PTK7: variants seen among roughly 807,000 people sequenced by gnomAD.
The protein encoded by PTK7 is inactive tyrosine-protein kinase 7.
Under a neutral mutation model 116.6 loss-of-function variants are expected in PTK7, and 39 were observed. The ratio of observed to expected loss-of-function variants is 0.33; its 90% CI spans 0.26 to 0.44. The LOEUF (loss-of-function observed/expected upper bound fraction) is 0.44. Ranked by LOEUF, PTK7 falls within the 20% of genes least tolerant of loss-of-function variation. The probability of loss-of-function intolerance (pLI) is 1.00; values close to 1 mark genes in which losing one functional copy is unlikely to be tolerated. For synonymous variants in PTK7, 546 were observed against 563.6 expected, an observed-to-expected ratio of 0.97 and a Z score of 0.44; for missense variants, 1,169 against 1,425.6, an observed-to-expected ratio of 0.82 and a Z score of 2.90.
chr6:43,089,772 A>G (rs1401117990), intron 1 of PTK7, among the ~76,000 whole-genome samples: 2 of 152,174 alleles, frequency 1.3e-5, no homozygotes, highest in Middle Eastern at 3.2e-3. Flanking sequence ...GGAGACCTGT[A>G]GGAAGGTCTC....
At chr6:43,116,651 T>TGTGTGTGTGCGCGC (rs1323606377) in intron 1 of PTK7, among the ~76,000 whole-genome samples, 1 of 77,214 alleles carries the variant, frequency 1.3e-5, no homozygotes, top group African/African-American at 6.5e-5. Context: ...TGTGTGTGTG[T>TGTGTGTGTGCGCGC]GCGCGCGCAC....
Position 43,141,359 on chromosome 6 carries a change from G to A in PTK7, c.1619-309G>A, listed in dbSNP as rs1770395020. Among the ~76,000 whole-genome samples, 1 of 152,128 alleles carries A rather than the reference G, an allele frequency of 6.6e-6. No homozygotes were observed. Among genetic ancestry groups the A allele is most frequent in the Non-Finnish European group, 1.5e-5 (1 of 68,032 alleles). ...TACAGCCTGGGATGGTAAAGAGCGG[G>A]AATGGGCTCTAGGAGGGAGAAGTGA... On this transcript the variant is annotated intron_variant, in intron 10 of 19. Transcript: ENST00000230419. This position sits in a 1 kb window ranked among gnomAD's most constrained non-coding sequence, Gnocchi z 4.9.
At chr6:43,077,826 T>C (rs1393548588) in intron 1 of PTK7, among the ~76,000 whole-genome samples, 1 of 152,220 alleles carries the variant, frequency 6.6e-6, no homozygotes, top group Non-Finnish European at 1.5e-5. Flanking sequence ...ACATCTCCCC[T>C]GCCCCCAGTT....
intron 17 of PTK7, among the ~76,000 whole-genome samples, chr6:43,157,364 ATTTTTT>A (rs1293389236): frequency 3.7e-5 from 2 of 54,366 alleles, no homozygotes; most frequent in Non-Finnish European, 6.5e-5. Context: ...ATATATATAT[ATTTTTT>A]TTTTTCTTTT....
chr6:43,133,446 A>ATG, intron 7 of PTK7: 1 of 152,176 alleles, frequency 6.6e-6, no homozygotes, highest in East Asian at 1.9e-4. Flanking sequence ...GGTGGGGCAC[A>ATG]CCTGTAATCC....
rs1027582673 is a variant in PTK7 at position 43,129,373 on chromosome 6, A to G, written c.367+109A>G. ...TCTCCCATTTCCAGTTAAACGGGCC[A>G]GGCAGAATGCATTTATCATCAGCTT... On this transcript the variant is annotated intron_variant, in intron 2 of 19. Transcript: ENST00000230419. This position sits in a 1 kb window ranked among gnomAD's most constrained non-coding sequence, Gnocchi z 4.5. 4 of 1,331,364 alleles carry G rather than the reference A, an allele frequency of 3.0e-6. No individual in the cohort carries two copies. In the African/African-American group the frequency reaches 4.4e-5, roughly 15 times the overall value. The allele number at this position is 1,331,364 out of a possible 1,614,324, so 82.5% of individuals were successfully genotyped here.
At chr6:43,144,805 G>A in intron 15 of PTK7, 199 bp downstream of exon 15, 1 of 533,876 alleles carries the variant, frequency 1.9e-6, no homozygotes, top group Non-Finnish European at 3.2e-6. Context: ...TCATTCCTGT[G>A]TACTACCTGT....
At chr6:43,115,036 T>G (rs1403752904) in intron 1 of PTK7, among the ~76,000 whole-genome samples, 1 of 131,276 alleles carries the variant, frequency 7.6e-6, no homozygotes, top group Non-Finnish European at 1.7e-5. Context: ...GAGCTAGACT[T>G]TGTCTCAAAA....
At position 43,146,671 on chromosome 6, in the gene PTK7, G is replaced by C; in HGVS notation, c.2694G>C (p.Lys898Asn). The C allele has an allele frequency of 1.2e-6, 2 of 1,613,404 alleles. No homozygotes were observed. Among genetic ancestry groups the C allele is most frequent in the Non-Finnish European group, 1.7e-6 (2 of 1,179,970 alleles). The change falls in exon 17 of 20, where the codon AAG becomes AAC. Residue 898 changes from lysine (K) to asparagine (N), a missense_variant. Physicochemically the swap from Lys to Asn is moderately conservative, Grantham distance 94. Coordinates refer to ENST00000230419, the MANE Select transcript of PTK7 (RefSeq NM_002821.5). ...RISKSKDEKL[K>N]SQPLSTKQKV... ...CCAAGAGCAAGGATGAAAAATTGAAGTCACAGCCCCTCAGCACCAAGCAGA... is the reference window on the plus strand; with the variant it reads ...CCAAGAGCAAGGATGAAAAATTGAACTCACAGCCCCTCAGCACCAAGCAGA...
intron 1 of PTK7, among the ~76,000 whole-genome samples, chr6:43,107,026 G>C (rs545655424): frequency 7.9e-5 from 12 of 151,880 alleles, no homozygotes; most frequent in Admixed American, 1.3e-4. Context: ...AGGTTAAAGC[G>C]ATTCTCCTGC....
In PTK7 at chr6:43,141,263, G is replaced by C. The variant is rs1256260582; in HGVS notation, c.1619-405G>C. ...GTGAGAGAGTACAGTTGTAGATTCT[G>C]AGGAGGAAGTAGGCTCCCTCTGCTC... On this transcript the variant is annotated intron_variant, in intron 10 of 19. Transcript: ENST00000230419. The surrounding 1 kb of genome is among the most constrained non-coding windows in gnomAD (Gnocchi z 4.9). Among the ~76,000 whole-genome samples the C allele has an allele frequency of 6.6e-6, 1 of 152,168 alleles. No individual in the cohort carries two copies. Among genetic ancestry groups the C allele is most frequent in the Non-Finnish European group, 1.5e-5 (1 of 68,034 alleles).
chr6:43,139,520 G>A lies in PTK7; in HGVS notation c.1613G>A (p.Arg538Gln), dbSNP rs1770259831. Reference sequence around the variant, plus strand: ...GAGAAGCCCACTATTAAGTGGGAACGGGCAGGTGGGTACAGTGCCGGCATA... The same window carrying A: ...GAGAAGCCCACTATTAAGTGGGAACAGGCAGGTGGGTACAGTGCCGGCATA... ...GREKPTIKWE[R>Q]ADGSSLPEWV... The change falls in exon 10 of 20, where the codon CGG becomes CAG. Residue 538 changes from arginine (R) to glutamine (Q), a missense_variant. By Grantham distance (43) the Arg-to-Gln change is conservative. This residue lies in a region of PTK7 where 678 missense variants were observed against 853.8 expected (regional missense o/e 0.79). Coordinates refer to ENST00000230419, the MANE Select transcript of PTK7 (RefSeq NM_002821.5). This position sits in a 1 kb window ranked among gnomAD's most constrained non-coding sequence, Gnocchi z 4.6. 8 of 1,614,028 alleles carry A rather than the reference G, an allele frequency of 5.0e-6. 1 individual carries two copies. Among genetic ancestry groups the A allele is most frequent in the Admixed American group, 3.3e-5 (2 of 60,000 alleles).
In PTK7 at chr6:43,129,037, G is replaced by T; in HGVS notation, c.140G>T (p.Arg47Leu). ...TCCTCCCAGGATGCACTGCAGGGGC[G>T]CCGGGCGCTGCTTCGCTGTGAGGTT... ...QPSSQDALQG[R>L]RALLRCEVEA... Residue 47 changes from arginine to leucine, a missense_variant, in exon 2 of 20, where the codon CGC becomes CTC. Arg to Leu is a moderately radical substitution (Grantham distance 102). Around this residue, in one of 3 missense-constraint regions of PTK7, gnomAD observed 487 missense variants for 549.8 expected, o/e 0.89. Coordinates refer to ENST00000230419, the MANE Select transcript of PTK7 (RefSeq NM_002821.5). The surrounding 1 kb of genome is among the most constrained non-coding windows in gnomAD (Gnocchi z 4.5). The T allele has an allele frequency of 6.2e-7, 1 of 1,614,120 alleles. No homozygotes were observed. Among genetic ancestry groups the T allele is most frequent in the Non-Finnish European group, 8.5e-7 (1 of 1,179,994 alleles).
At position 43,161,049 on chromosome 6, in the gene PTK7, C is replaced by G; in HGVS notation, c.*168C>G. The G allele has an allele frequency of 9.8e-7, 1 of 1,022,808 alleles. No homozygotes were observed. Among genetic ancestry groups the G allele is most frequent in the Non-Finnish European group, 1.4e-6 (1 of 728,682 alleles). The allele number at this position is 1,022,808 out of a possible 1,614,324, so 63.4% of individuals were successfully genotyped here. A position where few individuals can be genotyped will look rare whatever the true frequency, so the allele number is the denominator to read the frequency against. On this transcript the variant is annotated 3_prime_UTR_variant, in exon 20 of 20. Transcript: ENST00000230419. ...CCTGGCCTTTCCTCCTCTTCCTCAC[C>G]CTCATCCTTTGGGAGGCTGACTTGG...
chr6:43,080,276 CG>C (rs1766303860), intron 1 of PTK7, among the ~76,000 whole-genome samples: 1 of 151,736 alleles, frequency 6.6e-6, no homozygotes, highest in Admixed American at 6.6e-5. Context: ...GGCGTGAACC[CG>C]GGAGGCAGAG....
At position 43,129,510 on chromosome 6, in the gene PTK7, G is replaced by A. The variant is rs62417481; in HGVS notation, c.368-217G>A. 1 of 709,918 alleles carries A rather than the reference G, an allele frequency of 1.4e-6. No individual in the cohort carries two copies. The highest frequency in any genetic ancestry group is 1.9e-5 in the South Asian group (1 of 51,588). 44.0% of individuals were successfully genotyped at this position (709,918 alleles called of 1,614,324 possible). A position where few individuals can be genotyped will look rare whatever the true frequency, so the allele number is the denominator to read the frequency against. The stretch of plus-strand genomic sequence containing the variant: ...CATGCTTGTGCAAATGGAAAGGGCG[G>A]CCGAGCCCTTGGCCAAGTGTCAGAC... On this transcript the variant is annotated intron_variant, in intron 2 of 19. Coordinates refer to ENST00000230419, the MANE Select transcript of PTK7 (RefSeq NM_002821.5). This position sits in a 1 kb window ranked among gnomAD's most constrained non-coding sequence, Gnocchi z 4.5.
intron 1 of PTK7, among the ~76,000 whole-genome samples, chr6:43,092,904 CTG>C (rs1367192855): frequency 6.6e-6 from 1 of 152,206 alleles, no homozygotes; most frequent in Non-Finnish European, 1.5e-5. Context: ...ATGGTTATAA[CTG>C]TAATTTACAG....
In PTK7 at chr6:43,130,642, C is replaced by T. The variant is rs1015679962; in HGVS notation, c.793C>T (p.Pro265Ser). 13 of 1,614,190 alleles carry T rather than the reference C, an allele frequency of 8.1e-6. No individual in the cohort carries two copies. The highest frequency in any genetic ancestry group is 1.1e-5 in the Non-Finnish European group (13 of 1,180,026). ...GCAGTGGCTCTTTGAGGATGAGACT[C>T]CCATCACTAACCGCAGTCGGTAAGG... ...SLQWLFEDET[P>S]ITNRSRPPHL... Residue 265 changes from proline (P) to serine (S), a missense_variant, in exon 5 of 20, where the codon CCC becomes TCC. This residue lies in a region of PTK7 where 487 missense variants were observed against 549.8 expected (regional missense o/e 0.89). Transcript: ENST00000230419.
intron 17 of PTK7, 95 bp from the exon 18 acceptor site, chr6:43,158,722 C>T: frequency 2.2e-6 from 3 of 1,360,616 alleles, no homozygotes; most frequent in South Asian, 2.6e-5. Context: ...ACGCAGCACA[C>T]CAATAGTGTT....
Sources: allele counts gnomAD v4.1 joint callset (sites outside exome capture counted in the v4.1 genomes callset), GRCh38; gene constraint gnomAD v4.1.1; regional missense constraint gnomAD v4.1.1; non-coding constraint Gnocchi (gnomAD v3.1); transcripts MANE v1.5; gene names NCBI Gene and HGNC (gene_info 2026-07-23, HGNC 2026-07-21).